The following BAIAP2L1 variants were observed in gnomAD, a reference collection of about 807,000 sequenced individuals.
BAIAP2L1 encodes the protein BAR/IMD domain containing adaptor protein 2 like 1.
A neutral mutation model predicts 66.3 loss-of-function variants in BAIAP2L1; 35 were observed. The ratio of observed to expected loss-of-function variants is 0.53; its 90% CI spans 0.40 to 0.70. The LOEUF (loss-of-function observed/expected upper bound fraction) is 0.70. Ranked by LOEUF, BAIAP2L1 falls within the 30% of genes least tolerant of loss-of-function variation. BAIAP2L1 has a pLI of 0.00. For missense variants in BAIAP2L1, 622 were observed against 656.9 expected (o/e 0.95, Z 0.58); for synonymous variants, 269 against 248.7 (o/e 1.08, Z -0.77).
intron 1 of BAIAP2L1, among the ~76,000 whole-genome samples, chr7:98,374,081 A>T (rs188572916): frequency 9.2e-5 from 14 of 152,076 alleles, no homozygotes; most frequent in African/African-American, 3.1e-4. Flanking sequence ...GCCTCCGAGT[A>T]GGTGGGACTA....
chr7:98,313,046 T>A (rs1426743840), intron 7 of BAIAP2L1, among the ~76,000 whole-genome samples: 1 of 151,960 alleles, frequency 6.6e-6, no homozygotes, highest in African/African-American at 2.4e-5. Flanking sequence ...GCCTCTGAGT[T>A]TATCAAGAGT....
intron 1 of BAIAP2L1, chr7:98,386,629 T>C: frequency 6.8e-7 from 1 of 1,467,330 alleles, no homozygotes; most frequent in South Asian, 1.2e-5. Context: ...ATTTCTACAA[T>C]GTTCTTTCCG....
At chr7:98,358,563 C>T (rs1802194300) in intron 2 of BAIAP2L1, among the ~76,000 whole-genome samples, 1 of 151,960 alleles carries the variant, frequency 6.6e-6, no homozygotes, top group African/African-American at 2.4e-5. Context: ...CACTATGTTG[C>T]CCAGGCTGGT....
At chr7:98,385,287 T>C (rs976515476) in intron 1 of BAIAP2L1, among the ~76,000 whole-genome samples, 1 of 151,788 alleles carries the variant, frequency 6.6e-6, no homozygotes, top group Admixed American at 6.6e-5. Context: ...CCAGCCTGGG[T>C]GACAGAGCGA....
intron 11 of BAIAP2L1, 87 bp from the exon 12 acceptor site, chr7:98,304,463 C>T: frequency 7.5e-7 from 1 of 1,328,794 alleles, no homozygotes; most frequent in South Asian, 1.3e-5. Flanking sequence ...CCAAGGACAA[C>T]AGTAATAGTA....
At chr7:98,388,783 G>A (rs1443499942) in intron 1 of BAIAP2L1, among the ~76,000 whole-genome samples, 1 of 152,016 alleles carries the variant, frequency 6.6e-6, no homozygotes, top group Non-Finnish European at 1.5e-5. Flanking sequence ...AGACCAGCCT[G>A]GGCAGCATAG....
rs372009034 is a variant in BAIAP2L1 at position 98,317,294 on chromosome 7, T to C, written c.411A>G (p.Gln137=). Residue 137 remains glutamine, a synonymous_variant, in exon 6 of 14, where the codon CAA becomes CAG. Transcript: ENST00000005260. ...KNKLESLEKS[Q]AELKKIRRKS... ...TCCTTCTGATCTTCTTCAACTCAGC[T>C]TGGGATTTCTCCAAAGACTCTAATT... 3.6e-5 allele frequency: 58 copies of C among 1,614,128 alleles called. No homozygotes were observed. The highest frequency in any genetic ancestry group is 3.8e-5 in the Non-Finnish European group (45 of 1,180,032).
intron 3 of BAIAP2L1, among the ~76,000 whole-genome samples, chr7:98,348,889 C>T (rs1345473171): frequency 5.9e-5 from 9 of 152,366 alleles, no homozygotes; most frequent in Non-Finnish European, 1.0e-4. Flanking sequence ...TCACCACTCC[C>T]GAGCATCTCT....
intron 1 of BAIAP2L1, among the ~76,000 whole-genome samples, chr7:98,396,326 C>T (rs1803208491): frequency 6.6e-6 from 1 of 152,104 alleles, no homozygotes; most frequent in South Asian, 2.1e-4. Flanking sequence ...ATCTTGACCC[C>T]CCAAAGTGCT....
rs143868877 is a variant in BAIAP2L1, at chr7:98,376,254, A to G, written c.52-13822T>C. Among the ~76,000 whole-genome samples, 1,014 of 151,470 alleles carry G rather than the reference A, an allele frequency of 6.7e-3. 8 individuals are homozygous for G. Among genetic ancestry groups the G allele is most frequent in the Middle Eastern group, 0.024 (7 of 290 alleles). On this transcript the variant is annotated intron_variant, in intron 1 of 13. Coordinates refer to ENST00000005260, the MANE Select transcript of BAIAP2L1 (RefSeq NM_018842.5). ...CACGGGAGCTCATACCTGTAATCCC[A>G]GCACTTTGGGGGGCTGAGGCAGGAG...
chr7:98,342,647 A>G (rs1028791853), intron 3 of BAIAP2L1, among the ~76,000 whole-genome samples: 1 of 152,190 alleles, frequency 6.6e-6, no homozygotes, highest in African/African-American at 2.4e-5. Flanking sequence ...GGTGAGCTCT[A>G]AAAAGCTCAA....
At chr7:98,298,879 T>C (rs1270394136) in intron 12 of BAIAP2L1, among the ~76,000 whole-genome samples, 1 of 151,512 alleles carries the variant, frequency 6.6e-6, no homozygotes, top group Admixed American at 6.6e-5. Context: ...TCTTGCTCTG[T>C]CACCCAGGCT....
intron 3 of BAIAP2L1, among the ~76,000 whole-genome samples, chr7:98,323,872 G>A (rs755069535): frequency 6.6e-6 from 1 of 152,214 alleles, no homozygotes; most frequent in South Asian, 2.1e-4. Context: ...ATCTTGAAGC[G>A]GAAGATGAAA....
intron 3 of BAIAP2L1, among the ~76,000 whole-genome samples, chr7:98,330,392 T>C (rs556385039): frequency 6.6e-6 from 1 of 152,046 alleles, no homozygotes; most frequent in Non-Finnish European, 1.5e-5. Context: ...GCGTGGTGGC[T>C]CACACCTGTA....
At chr7:98,363,979 GCTC>G (rs1802333115) in intron 1 of BAIAP2L1, among the ~76,000 whole-genome samples, 1 of 151,676 alleles carries the variant, frequency 6.6e-6, no homozygotes, top group Non-Finnish European at 1.5e-5. Flanking sequence ...TTTCAACTAT[GCTC>G]CTATTTTTGT....
At chr7:98,304,437 TC>T in intron 11 of BAIAP2L1, 61 bp from the exon 12 acceptor site, 1 of 1,552,378 alleles carries the variant, frequency 6.4e-7, no homozygotes, top group East Asian at 2.3e-5. Context: ...ACCCCAAACA[TC>T]CTCTGTGTCC....
At chr7:98,353,349 A>G (rs897853267) in intron 3 of BAIAP2L1, among the ~76,000 whole-genome samples, 2 of 139,288 alleles carry the variant, frequency 1.4e-5, no homozygotes, top group Non-Finnish European at 3.0e-5. Flanking sequence ...AAATATATTT[A>G]TATATTTATA....
At chr7:98,317,948 C>T (rs1307370564) in intron 5 of BAIAP2L1, among the ~76,000 whole-genome samples, 3 of 147,788 alleles carry the variant, frequency 2.0e-5, no homozygotes, top group African/African-American at 7.3e-5. Context: ...CTGGCCGGGG[C>T]CCTCACTCAT....
At chr7:98,369,663 A>ATTT (rs71112146) in intron 1 of BAIAP2L1, among the ~76,000 whole-genome samples, 2 of 103,850 alleles carry the variant, frequency 1.9e-5, no homozygotes, top group Admixed American at 1.1e-4. Flanking sequence ...TGATTTCCTA[A>ATTT]TTTTTTTTTT....
Sources: allele counts gnomAD v4.1 joint callset (sites outside exome capture counted in the v4.1 genomes callset), GRCh38; gene constraint gnomAD v4.1.1; transcripts MANE v1.5; gene names NCBI Gene and HGNC (gene_info 2026-07-23, HGNC 2026-07-21).